MCCC1: variants seen among roughly 807,000 people sequenced by gnomAD.
MCCC1 encodes methylcrotonyl-CoA carboxylase subunit 1.
Under a neutral mutation model 83.8 loss-of-function variants are expected in MCCC1, and 64 were observed. That is an observed-to-expected ratio of 0.76 (90% confidence interval 0.62 to 0.94). The LOEUF (loss-of-function observed/expected upper bound fraction) is 0.94, where lower values mean the gene tolerates loss of function less well. Among genes scored for constraint, MCCC1 ranks in the 40% least tolerant of loss-of-function variants. The pLI, the probability that MCCC1 is intolerant of heterozygous loss-of-function variation, is 0.00. For missense variants in MCCC1, 807 were observed against 904.7 expected (o/e 0.89, Z 1.39); for synonymous variants, 322 against 315.4 (o/e 1.02, Z -0.22).
chr3:183,041,538 G>A (rs189535833), intron 11 of MCCC1, 29 bp downstream of exon 11: 10 of 1,612,892 alleles, frequency 6.2e-6, no homozygotes, highest in East Asian at 2.2e-5. Flanking sequence ...CTTAAAAAGA[G>A]TGAGACTTTT....
chr3:183,085,859 TCTC>T (rs1420412613), intron 4 of MCCC1, among the ~76,000 whole-genome samples: 1 of 151,886 alleles, frequency 6.6e-6, no homozygotes. Flanking sequence ...AAGCTTTCCT[TCTC>T]CTCACCGCCG....
intron 4 of MCCC1, among the ~76,000 whole-genome samples, chr3:183,086,362 C>G (rs1255232462): frequency 6.6e-6 from 1 of 152,142 alleles, no homozygotes; most frequent in African/African-American, 2.4e-5. Context: ...TATATTTTAC[C>G]TTGTAATTCA....
chr3:183,077,340 AGTTTACATT>A (rs945685020), intron 4 of MCCC1, among the ~76,000 whole-genome samples: 7 of 152,334 alleles, frequency 4.6e-5, no homozygotes, highest in Admixed American at 1.3e-4. Flanking sequence ...TGGCTGCTCC[AGTTTACATT>A]CCCATCAGTA....
chr3:183,069,740 G>A (rs1017410175), intron 7 of MCCC1, among the ~76,000 whole-genome samples: 4 of 151,884 alleles, frequency 2.6e-5, no homozygotes, highest in African/African-American at 9.7e-5. Flanking sequence ...TGACTTACAG[G>A]TCACACACAT....
intron 8 of MCCC1, among the ~76,000 whole-genome samples, chr3:183,056,407 A>G (rs1715428974): frequency 6.6e-6 from 1 of 152,216 alleles, no homozygotes; most frequent in African/African-American, 2.4e-5. Flanking sequence ...CAACCTCCAC[A>G]GAAATGTAAA....
intron 1 of MCCC1, among the ~76,000 whole-genome samples, chr3:183,106,394 A>C (rs1719403799): frequency 6.6e-6 from 1 of 152,176 alleles, no homozygotes; most frequent in Non-Finnish European, 1.5e-5. Flanking sequence ...ATAATTTTAA[A>C]ATGTTTTGTT....
chr3:183,057,266 T>G (rs747731126), intron 8 of MCCC1, 45 bp downstream of exon 8: 3 of 1,400,156 alleles, frequency 2.1e-6, no homozygotes, highest in Non-Finnish European at 3.0e-6. Flanking sequence ...CAGAGTAAGA[T>G]TCACATTACG....
intron 13 of MCCC1, 74 bp downstream of exon 13, chr3:183,037,144 T>C (rs890238226): frequency 2.8e-6 from 4 of 1,408,762 alleles, no homozygotes; most frequent in Middle Eastern, 2.4e-4. Context: ...CAGTGTGCCA[T>C]ACAGAAAGAA....
chr3:183,025,777 T>TG lies in MCCC1; in HGVS notation c.1708dup (p.His570ProfsTer2). 1 of 1,613,966 alleles carries TG rather than the reference T, an allele frequency of 6.2e-7. No individual in the cohort carries two copies. Among genetic ancestry groups the TG allele is most frequent in the Non-Finnish European group, 8.5e-7 (1 of 1,179,874 alleles). On this transcript the variant is annotated frameshift_variant, in exon 15 of 19. Transcript: ENST00000265594. LOFTEE classifies it high-confidence loss of function. ...TACCTGCATGCTATAAGACCCATCA[T>TG]GGTTATACGTTACAGCTATGGCTAC...
intron 3 of MCCC1, among the ~76,000 whole-genome samples, chr3:183,088,210 G>A (rs66468736): frequency 7.2e-6 from 1 of 139,646 alleles, no homozygotes; most frequent in South Asian, 2.2e-4. Flanking sequence ...GTTGTTGTGT[G>A]TTTTTTTTTT....
At chr3:183,078,431 AT>A in intron 4 of MCCC1, among the ~76,000 whole-genome samples, 1 of 152,234 alleles carries the variant, frequency 6.6e-6, no homozygotes, top group East Asian at 1.9e-4. Context: ...TAGCTTATCA[AT>A]TTCTATTTTT....
chr3:183,033,429 C>A (rs1474973111), intron 14 of MCCC1, among the ~76,000 whole-genome samples: 1 of 152,112 alleles, frequency 6.6e-6, no homozygotes, highest in Non-Finnish European at 1.5e-5. Flanking sequence ...ATCTTCCATA[C>A]GTGGGTATAA....
chr3:183,059,564 G>A (rs1450742950), intron 7 of MCCC1, among the ~76,000 whole-genome samples: 1 of 152,120 alleles, frequency 6.6e-6, no homozygotes, highest in African/African-American at 2.4e-5. Context: ...TGTTAGGATA[G>A]GAAAATATTT....
At position 183,034,001 on chromosome 3, in the gene MCCC1, A is replaced by G; in HGVS notation, c.1671T>C (p.Asp557=). Residue 557 remains aspartate (D), a synonymous_variant, in exon 14 of 19, where the codon GAT becomes GAC. Coordinates refer to ENST00000265594, the MANE Select transcript of MCCC1 (RefSeq NM_020166.5). ...TGAAACATTACTTACTGTTTTTACC[A>G]TCTTTAAGAGTCATGTTTCTGGTAT... ...ISYTRNMTLK[D]GKNNVAIAVT... 1 of 1,603,018 alleles carries G rather than the reference A, an allele frequency of 6.2e-7. No individual in the cohort carries two copies. Among genetic ancestry groups the G allele is most frequent in the Non-Finnish European group, 8.5e-7 (1 of 1,170,792 alleles).
chr3:183,051,134 C>A (rs1714944618), intron 9 of MCCC1, among the ~76,000 whole-genome samples: 1 of 152,102 alleles, frequency 6.6e-6, no homozygotes, highest in Admixed American at 6.5e-5. Flanking sequence ...ACTAAATATT[C>A]TTTTACCATG....
At chr3:183,046,739 G>A (rs1298195184) in intron 9 of MCCC1, among the ~76,000 whole-genome samples, 1 of 152,114 alleles carries the variant, frequency 6.6e-6, no homozygotes, top group Non-Finnish European at 1.5e-5. Context: ...GGCATCTAAG[G>A]AGCTTAGAAG....
At position 183,037,093 on chromosome 3, in the gene MCCC1, G is replaced by C. The variant is rs1327698884; in HGVS notation, c.1594+125C>G. The C allele has an allele frequency of 1.1e-5, 10 of 916,164 alleles. No individual in the cohort carries two copies. The East Asian group carries it at 2.0e-4, about 19-fold the overall frequency. The allele number at this position is 916,164 out of a possible 1,614,324, so 56.8% of individuals were successfully genotyped here. On this transcript the variant is annotated intron_variant, in intron 13 of 18. Transcript: ENST00000265594. Reference sequence around the variant, plus strand: ...TTCCTTCATACTAAAAAACACATCTGAAAAGAATGGTGTCAGTCACTGAGA... The same window carrying C: ...TTCCTTCATACTAAAAAACACATCTCAAAAGAATGGTGTCAGTCACTGAGA...
At chr3:183,048,060 T>G (rs1243733472) in intron 9 of MCCC1, among the ~76,000 whole-genome samples, 1 of 152,188 alleles carries the variant, frequency 6.6e-6, no homozygotes, top group Non-Finnish European at 1.5e-5. Flanking sequence ...GATAGGAATT[T>G]TTCAGCTGCA....
chr3:183,103,876 C>T (rs1719361959), upstream of MCCC1, among the ~76,000 whole-genome samples: 1 of 152,304 alleles, frequency 6.6e-6, no homozygotes, highest in South Asian at 2.1e-4. Flanking sequence ...GGCTGCAGGT[C>T]CCGAGCCCTG....
Sources: allele counts gnomAD v4.1 joint callset (sites outside exome capture counted in the v4.1 genomes callset), GRCh38; gene constraint gnomAD v4.1.1; transcripts MANE v1.5; gene names NCBI Gene and HGNC (gene_info 2026-07-23, HGNC 2026-07-21).